The following ITPKB variants were observed in gnomAD, a reference collection of about 807,000 sequenced individuals.
ITPKB encodes inositol-trisphosphate 3-kinase B, also known as IP3 3-kinase B.
Under a neutral mutation model 69.4 loss-of-function variants are expected in ITPKB, and 13 were observed. The ratio of observed to expected loss-of-function variants is 0.19; its 90% CI spans 0.12 to 0.30. ITPKB has a LOEUF of 0.30. Among genes scored for constraint, ITPKB ranks in the 10% least tolerant of loss-of-function variants. The pLI is 1.00. For synonymous variants in ITPKB, 584 were observed against 513.7 expected (o/e 1.14, Z -1.85); for missense variants, 1,240 against 1,250.5 (o/e 0.99, Z 0.13).
chr1:226,643,313 C>T (rs1252452891), intron 4 of ITPKB, among the ~76,000 whole-genome samples: 1 of 152,158 alleles, frequency 6.6e-6, no homozygotes, highest in Non-Finnish European at 1.5e-5. Flanking sequence ...GTGAGTCATC[C>T]CACCCCCGCT....
At position 226,634,646 on chromosome 1, in the gene ITPKB, G is replaced by C; in HGVS notation, c.*25C>G. ...CAGGAGGAGGAAAGGAGGCCCAGGC[G>C]GGGGCCAGGGAGGGCGTGGGCAGCT... is the stretch of plus-strand genomic sequence containing the variant. On this transcript the variant is annotated 3_prime_UTR_variant, in exon 8 of 8. Coordinates refer to ENST00000429204, the MANE Select transcript of ITPKB (RefSeq NM_002221.4). The surrounding 1 kb of genome is among the most constrained non-coding windows in gnomAD (Gnocchi z 6.3). 1 of 769,982 alleles carries C rather than the reference G, an allele frequency of 1.3e-6. No homozygotes were observed. Among genetic ancestry groups the C allele is most frequent in the Non-Finnish European group, 2.4e-6 (1 of 411,080 alleles). The allele number at this position is 769,982 out of a possible 1,614,324, so 47.7% of individuals were successfully genotyped here.
chr1:226,707,009 G>C (rs1469642865), intron 2 of ITPKB, among the ~76,000 whole-genome samples: 1 of 151,980 alleles, frequency 6.6e-6, no homozygotes, highest in Non-Finnish European at 1.5e-5. Context: ...AATCCTCTAG[G>C]GACTCATCAC....
chr1:226,637,313 T>C lies in ITPKB; in HGVS notation c.2625+366A>G, dbSNP rs1452794981. The stretch of plus-strand genomic sequence containing the variant: ...CCCTCCTCAGGGTCTCATCTGAAGA[T>C]GTAGGTGGCGGTCGGCGGGTGCCTG... On this transcript the variant is annotated intron_variant, in intron 7 of 7. Coordinates refer to ENST00000429204, the MANE Select transcript of ITPKB (RefSeq NM_002221.4). The surrounding 1 kb of genome is among the most constrained non-coding windows in gnomAD (Gnocchi z 4.3). 6.6e-6 allele frequency among the ~76,000 whole-genome samples: 1 copy of C among 152,188 alleles called. No individual in the cohort carries two copies. Among genetic ancestry groups the C allele is most frequent in the Non-Finnish European group, 1.5e-5 (1 of 68,030 alleles).
chr1:226,664,021 G>A (rs558232473), intron 2 of ITPKB, among the ~76,000 whole-genome samples: 12 of 152,286 alleles, frequency 7.9e-5, no homozygotes, highest in African/African-American at 1.2e-4. Context: ...ATCGACATCC[G>A]TAGAGGCTGG....
chr1:226,646,727 C>A (rs1028669844), intron 4 of ITPKB, among the ~76,000 whole-genome samples: 1 of 152,290 alleles, frequency 6.6e-6, no homozygotes, highest in South Asian at 2.1e-4. Flanking sequence ...TCTCTTCCCA[C>A]TCACCAGGGC....
chr1:226,693,360 T>G (rs183969898), intron 2 of ITPKB, among the ~76,000 whole-genome samples: 8 of 152,318 alleles, frequency 5.3e-5, no homozygotes, highest in African/African-American at 1.9e-4. Flanking sequence ...GGCAGCTCTT[T>G]GCACACAGAT....
At chr1:226,677,711 T>A (rs1209622439) in intron 2 of ITPKB, among the ~76,000 whole-genome samples, 2 of 152,344 alleles carry the variant, frequency 1.3e-5, no homozygotes, top group Non-Finnish European at 2.9e-5. Flanking sequence ...TCTCTTCCCA[T>A]GGCAAAAATG....
chr1:226,646,753 A>G lies in ITPKB; in HGVS notation c.2246+414T>C, dbSNP rs146025644. 3.3e-5 allele frequency among the ~76,000 whole-genome samples: 5 copies of G among 152,052 alleles called. No homozygotes were observed. In the East Asian group the frequency reaches 9.7e-4, roughly 30 times the overall value. ...TCACCAGGGCTGGGGAAATGGAAAG[A>G]CCTCGATTCCCATCTCCCCTGCAGC... On this transcript the variant is annotated intron_variant, in intron 4 of 7. Coordinates refer to ENST00000429204, the MANE Select transcript of ITPKB (RefSeq NM_002221.4).
chr1:226,646,629 G>T (rs1669068431), intron 4 of ITPKB, among the ~76,000 whole-genome samples: 1 of 152,154 alleles, frequency 6.6e-6, no homozygotes, highest in Non-Finnish European at 1.5e-5. Flanking sequence ...CTGCCATGTG[G>T]GTTTCTTGAG....
chr1:226,701,590 T>G (rs1656639395), intron 2 of ITPKB, among the ~76,000 whole-genome samples: 1 of 105,776 alleles, frequency 9.5e-6, no homozygotes, highest in African/African-American at 3.9e-5. Flanking sequence ...GGCGAAAGAG[T>G]GAGACTCCGT....
At chr1:226,689,664 A>ACATAGGTAAACTTTTGT (rs1656302864) in intron 2 of ITPKB, among the ~76,000 whole-genome samples, 2 of 151,788 alleles carry the variant, frequency 1.3e-5, no homozygotes, top group Non-Finnish European at 2.9e-5. Context: ...TGTACAGGTC[A>ACATAGGTAAACTTTTGT]CATAGGTAAA....
At chr1:226,683,293 T>C (rs530206676) in intron 2 of ITPKB, among the ~76,000 whole-genome samples, 5 of 152,204 alleles carry the variant, frequency 3.3e-5, no homozygotes, top group African/African-American at 7.2e-5. Context: ...CTTTTCCTTT[T>C]CTCTCCTTTC....
chr1:226,738,759 C>G lies in ITPKB; in HGVS notation c.-206+282G>C, dbSNP rs1035763884. 6.6e-6 allele frequency among the ~76,000 whole-genome samples: 1 copy of G among 152,206 alleles called. No homozygotes were observed. The highest frequency in any genetic ancestry group is 1.5e-5 in the Non-Finnish European group (1 of 68,024). On this transcript the variant is annotated intron_variant, in intron 1 of 7. Transcript: ENST00000429204. The surrounding 1 kb of genome is among the most constrained non-coding windows in gnomAD (Gnocchi z 4.2). Reference sequence around the variant, plus strand: ...TCGCCCGGCGCCAGCAGAGCCGCCCCGAGACCCCAGCCTGGGGACTCCTGG... The same window carrying G: ...TCGCCCGGCGCCAGCAGAGCCGCCCGGAGACCCCAGCCTGGGGACTCCTGG...
intron 2 of ITPKB, among the ~76,000 whole-genome samples, chr1:226,649,845 C>CAAAACAA (rs1553317101): frequency 2.0e-5 from 3 of 150,328 alleles, no homozygotes; most frequent in Admixed American, 6.6e-5. Flanking sequence ...CAAAACAAAA[C>CAAAACAA]AAAAAAACAA....
At chr1:226,699,912 G>C (rs956584162) in intron 2 of ITPKB, among the ~76,000 whole-genome samples, 2 of 152,148 alleles carry the variant, frequency 1.3e-5, no homozygotes, top group East Asian at 3.8e-4. Context: ...GAGAAGCAAG[G>C]AGAGCTGGTC....
rs1036760344 is a variant in ITPKB, at chr1:226,695,584, C to T, written c.1932+39943G>A. Reference sequence around the variant, plus strand: ...CACACTCCCACCCAGGCCAGCTGCCCGAGCATTGAACCCCGCCATCCTCTC... The same window carrying T: ...CACACTCCCACCCAGGCCAGCTGCCTGAGCATTGAACCCCGCCATCCTCTC... On this transcript the variant is annotated intron_variant, in intron 2 of 7. Transcript: ENST00000429204. Among the ~76,000 whole-genome samples, 6 of 152,290 alleles carry T rather than the reference C, an allele frequency of 3.9e-5. No homozygotes were observed. The South Asian group carries it at 1.0e-3, about 26-fold the overall frequency.
At chr1:226,716,010 C>T (rs1346998608) in intron 2 of ITPKB, among the ~76,000 whole-genome samples, 1 of 152,176 alleles carries the variant, frequency 6.6e-6, no homozygotes, top group Non-Finnish European at 1.5e-5. Context: ...GAGGTTTTGC[C>T]AAGTTGGCCA....
At chr1:226,717,654 CAGCCTGGGTAAGCT>C (rs1351610892) in intron 2 of ITPKB, among the ~76,000 whole-genome samples, 5 of 152,338 alleles carry the variant, frequency 3.3e-5, no homozygotes, top group South Asian at 2.1e-4. Flanking sequence ...ACCTGTGAGT[CAGCCTGGGTAAGCT>C]CCTGTGGAGA....
At position 226,717,887 on chromosome 1, in the gene ITPKB, C is replaced by T. The variant is rs556396917; in HGVS notation, c.1932+17640G>A. On this transcript the variant is annotated intron_variant, in intron 2 of 7. Coordinates refer to ENST00000429204, the MANE Select transcript of ITPKB (RefSeq NM_002221.4). ...AAACAGGAGGCCAAGGCTTTTGACACCCTGCCCGTTTTTATAGCACCTCTG... is the reference window on the plus strand; with the variant it reads ...AAACAGGAGGCCAAGGCTTTTGACATCCTGCCCGTTTTTATAGCACCTCTG... Among the ~76,000 whole-genome samples, 6 of 152,368 alleles carry T rather than the reference C, an allele frequency of 3.9e-5. No homozygotes were observed. In the East Asian group the frequency reaches 9.6e-4, roughly 24 times the overall value.
Sources: allele counts gnomAD v4.1 joint callset (sites outside exome capture counted in the v4.1 genomes callset), GRCh38; gene constraint gnomAD v4.1.1; non-coding constraint Gnocchi (gnomAD v3.1); transcripts MANE v1.5; gene names NCBI Gene and HGNC (gene_info 2026-07-23, HGNC 2026-07-21).